UBXN10: variants seen among roughly 807,000 people sequenced by gnomAD.
UBXN10 encodes the protein UBX domain-containing protein 10.
Under a neutral mutation model 6.9 loss-of-function variants are expected in UBXN10, and 6 were observed. The ratio of observed to expected loss-of-function variants is 0.87; its 90% CI spans 0.48 to 1.72. UBXN10 has a LOEUF of 1.72. UBXN10 is among the 40% of genes most tolerant of loss of function. UBXN10 has a pLI of 0.01. For synonymous variants in UBXN10, 131 were observed against 135.2 expected (o/e 0.97, Z 0.21); for missense variants, 317 against 348.4 (o/e 0.91, Z 0.72).
At position 20,195,996 on chromosome 1, in the gene UBXN10, GCAAA is replaced by G. The variant is rs2100741651; in HGVS notation, c.*4597_*4600del. On this transcript the variant is annotated 3_prime_UTR_variant, in exon 2 of 2. Coordinates refer to ENST00000375099, the MANE Select transcript of UBXN10 (RefSeq NM_152376.5). The stretch of plus-strand genomic sequence containing the variant: ...TGGGGATGCATTTCTTCTTGGGAAG[GCAAA>G]CAAAGCCATCATTCTGGGGCTTAAT... 1 of 166,812 alleles carries G rather than the reference GCAAA, an allele frequency of 6.0e-6. No individual in the cohort carries two copies. Among genetic ancestry groups the G allele is most frequent in the East Asian group, 1.9e-4 (1 of 5,180 alleles). 10.3% of individuals were successfully genotyped at this position (166,812 alleles called of 1,614,324 possible). A position where few individuals can be genotyped will look rare whatever the true frequency, so the allele number is the denominator to read the frequency against.
At chr1:20,184,227 AC>A (rs2018326696), upstream of UBXN10, 2 of 151,990 alleles carry the variant, frequency 1.3e-5, no homozygotes, top group Non-Finnish European at 2.9e-5. Flanking sequence ...ACACACACAC[AC>A]GGTGAGAAGC....
upstream of UBXN10, among the ~76,000 whole-genome samples, chr1:20,185,644 G>C (rs1354537504): frequency 6.6e-6 from 1 of 152,170 alleles, no homozygotes; most frequent in Non-Finnish European, 1.5e-5. Flanking sequence ...TGGGGGCCCT[G>C]CTCCCCGCAA....
At position 20,191,374 on chromosome 1, in the gene UBXN10, C is replaced by G. The variant is rs142528987; in HGVS notation, c.813C>G (p.Ile271Met). The G allele has an allele frequency of 1.6e-4, 251 of 1,611,656 alleles. No individual in the cohort carries two copies. Among genetic ancestry groups the G allele is most frequent in the Non-Finnish European group, 1.9e-4 (221 of 1,177,896 alleles). Reference protein sequence around the residue: ...CRIPHKSVLGISLEDGEGWP With the variant: ...CRIPHKSVLGMSLEDGEGWP The stretch of plus-strand genomic sequence containing the variant: ...TCCCCCACAAGTCTGTGCTGGGCAT[C>G]TCACTGGAAGATGGGGAAGGGTGGC... The change falls in exon 2 of 2, where the codon ATC (isoleucine) becomes ATG (methionine). Residue 271 changes from isoleucine (I) to methionine (M), a missense_variant. Coordinates refer to ENST00000375099, the MANE Select transcript of UBXN10 (RefSeq NM_152376.5). This position sits in a 1 kb window ranked among gnomAD's most constrained non-coding sequence, Gnocchi z 4.5.
rs1013416901 is a variant in UBXN10 at position 20,190,941 on chromosome 1, A to C, written c.380A>C (p.Glu127Ala). The C allele has an allele frequency of 1.2e-6, 2 of 1,614,186 alleles. No individual in the cohort carries two copies. Among genetic ancestry groups the C allele is most frequent in the South Asian group, 2.2e-5 (2 of 91,086 alleles). Residue 127 changes from glutamate (E) to alanine (A), a missense_variant, in exon 2 of 2, where the codon GAG becomes GCG. Coordinates refer to ENST00000375099, the MANE Select transcript of UBXN10 (RefSeq NM_152376.5). ...LPSINRKNLEEEAVETVAKKA... is the reference protein window; with the variant it reads ...LPSINRKNLEAEAVETVAKKA... Reference sequence around the variant, plus strand: ...TCCATCAACAGAAAGAACCTGGAGGAGGAGGCTGTGGAAACCGTTGCCAAA... The same window carrying C: ...TCCATCAACAGAAAGAACCTGGAGGCGGAGGCTGTGGAAACCGTTGCCAAA...
chr1:20,190,831 G>C lies in UBXN10; in HGVS notation c.270G>C (p.Gln90His). 1 of 1,613,954 alleles carries C rather than the reference G, an allele frequency of 6.2e-7. No homozygotes were observed. Among genetic ancestry groups the C allele is most frequent in the Non-Finnish European group, 8.5e-7 (1 of 1,180,022 alleles). ...CCTGTGCACCCAAATCTCCAAACCA[G>C]GGAGCTTCTGATGAGATCCCTGAGC... Reference protein sequence around the residue: ...PGACAPKSPNQGASDEIPELQ... With the variant: ...PGACAPKSPNHGASDEIPELQ... The change falls in exon 2 of 2, where the codon CAG becomes CAC. Residue 90 changes from glutamine (Q) to histidine (H), a missense_variant. Coordinates refer to ENST00000375099, the MANE Select transcript of UBXN10 (RefSeq NM_152376.5).
rs1293002988 is a variant in UBXN10 at position 20,191,266 on chromosome 1, C to T, written c.705C>T (p.Ser235=). 2.0e-5 allele frequency: 32 copies of T among 1,614,088 alleles called. No individual in the cohort carries two copies. In the East Asian group the frequency reaches 3.6e-4, roughly 18 times the overall value. Reference sequence around the variant, plus strand: ...TGGCCGAACAGAAAAACAAAACCTCCTACCGACACTGCAGCATTGAAACAA... The same window carrying T: ...TGGCCGAACAGAAAAACAAAACCTCTTACCGACACTGCAGCATTGAAACAA... The part of the protein sequence containing the change: ...VAVAEQKNKT[S]YRHCSIETME... The change falls in exon 2 of 2, where the codon TCC becomes TCT. Residue 235 remains serine, a synonymous_variant. Transcript: ENST00000375099. This position sits in a 1 kb window ranked among gnomAD's most constrained non-coding sequence, Gnocchi z 4.5.
In UBXN10 at chr1:20,191,435, C is replaced by A; in HGVS notation, c.*31C>A. ...CAGCCACCCAGCTGAGGTCCTGGGT[C>A]TCTGAGCAAAGGAGCATGCTTGGGC... On this transcript the variant is annotated 3_prime_UTR_variant, in exon 2 of 2. Transcript: ENST00000375099. The surrounding 1 kb of genome is among the most constrained non-coding windows in gnomAD (Gnocchi z 4.5). 1 of 1,588,752 alleles carries A rather than the reference C, an allele frequency of 6.3e-7. No individual in the cohort carries two copies.
chr1:20,184,048 C>T (rs1052293965), upstream of UBXN10, among the ~76,000 whole-genome samples: 1 of 152,222 alleles, frequency 6.6e-6, no homozygotes, highest in Non-Finnish European at 1.5e-5. Context: ...CCTTCCTTTC[C>T]TCCTCTCCTG....
chr1:20,189,890 T>A (rs1018501003), intron 1 of UBXN10, among the ~76,000 whole-genome samples: 4 of 152,228 alleles, frequency 2.6e-5, no homozygotes, highest in Non-Finnish European at 1.5e-5. Context: ...TGCCACCAGC[T>A]GGCTGTGTGA....
rs532952818 is a variant in UBXN10 at position 20,191,640 on chromosome 1, A to G, written c.*236A>G. The G allele has an allele frequency of 1.8e-6, 1 of 541,616 alleles. No individual in the cohort carries two copies. The highest frequency in any genetic ancestry group is 3.2e-6 in the Non-Finnish European group (1 of 314,408). 33.6% of individuals were successfully genotyped at this position (541,616 alleles called of 1,614,324 possible). A position where few individuals can be genotyped will look rare whatever the true frequency, so the allele number is the denominator to read the frequency against. On this transcript the variant is annotated 3_prime_UTR_variant, in exon 2 of 2. Transcript: ENST00000375099. The surrounding 1 kb of genome is among the most constrained non-coding windows in gnomAD (Gnocchi z 4.5). Reference sequence around the variant, plus strand: ...CTCTCCACCACCAGCGTAACTGGCAAGTTACCAAGGTTGTTCCTGAAACAG... The same window carrying G: ...CTCTCCACCACCAGCGTAACTGGCAGGTTACCAAGGTTGTTCCTGAAACAG...
chr1:20,190,720 C>T lies in UBXN10; in HGVS notation c.159C>T (p.Ser53=), dbSNP rs1459517361. ...KGRTRPSLQK[S]QGVEVCAHHI... ...GGACAAGACCGAGTCTGCAGAAATC[C>T]CAGGGCGTGGAGGTGTGCGCTCATC... Residue 53 remains serine, a synonymous_variant, in exon 2 of 2, where the codon TCC becomes TCT. Coordinates refer to ENST00000375099, the MANE Select transcript of UBXN10 (RefSeq NM_152376.5). 2 of 1,613,950 alleles carry T rather than the reference C, an allele frequency of 1.2e-6. No homozygotes were observed. The highest frequency in any genetic ancestry group is 1.3e-5 in the African/African-American group (1 of 74,892).
chr1:20,195,133 G>A lies in UBXN10; in HGVS notation c.*3729G>A, dbSNP rs1178432110. The A allele has an allele frequency of 6.0e-6, 1 of 167,118 alleles. No individual in the cohort carries two copies. The highest frequency in any genetic ancestry group is 1.5e-5 in the Non-Finnish European group (1 of 68,130). 10.4% of individuals were successfully genotyped at this position (167,118 alleles called of 1,614,324 possible). On this transcript the variant is annotated 3_prime_UTR_variant, in exon 2 of 2. Transcript: ENST00000375099. The stretch of plus-strand genomic sequence containing the variant: ...GGGTGGCGTGCCACTTTCCTTTCCT[G>A]ATTAGGGAAGCTTCTCCCAGCCCTT...
intron 1 of UBXN10, 120 bp downstream of exon 1, chr1:20,186,273 G>C (rs901642757): frequency 1.3e-5 from 2 of 152,266 alleles, no homozygotes; most frequent in African/African-American, 2.4e-5. Flanking sequence ...CCCAGACCCA[G>C]CCCGGGGGAC....
intron 1 of UBXN10, among the ~76,000 whole-genome samples, chr1:20,186,940 AG>A (rs1276304230): frequency 2.0e-5 from 3 of 152,164 alleles, no homozygotes; most frequent in Non-Finnish European, 4.4e-5. Context: ...TAACTGATAC[AG>A]TTTTAAAAGA....
rs555979157 is a variant in UBXN10 at position 20,188,148 on chromosome 1, C to G, written c.-16+1995C>G. Among the ~76,000 whole-genome samples, 6 of 152,190 alleles carry G rather than the reference C, an allele frequency of 3.9e-5. No homozygotes were observed. The East Asian group carries it at 1.2e-3, about 29-fold the overall frequency. ...GCCAGAGAAAGACTTGAGAAGGAGA[C>G]TAAAGGGGGAAAAACACATTCTTCA... is the stretch of plus-strand genomic sequence containing the variant. On this transcript the variant is annotated intron_variant, in intron 1 of 1. Transcript: ENST00000375099.
chr1:20,190,550 T>A lies in UBXN10; in HGVS notation c.-12T>A. On this transcript the variant is annotated 5_prime_UTR_variant, in exon 2 of 2. Transcript: ENST00000375099. ...TGTTTTTTTCCTGCTTCCTTAGGGG[T>A]CTTGAGAAGCAATGGCCACAGAAGC... is the stretch of plus-strand genomic sequence containing the variant. 1 of 1,606,474 alleles carries A rather than the reference T, an allele frequency of 6.2e-7. No individual in the cohort carries two copies. Among genetic ancestry groups the A allele is most frequent in the Non-Finnish European group, 8.5e-7 (1 of 1,174,518 alleles).
Position 20,188,630 on chromosome 1 carries a change from A to G in UBXN10, c.-15-1917A>G, listed in dbSNP as rs189486044. Among the ~76,000 whole-genome samples, 8 of 152,312 alleles carry G rather than the reference A, an allele frequency of 5.3e-5. No homozygotes were observed. The East Asian group carries it at 1.5e-3, about 29-fold the overall frequency. On this transcript the variant is annotated intron_variant, in intron 1 of 1. Coordinates refer to ENST00000375099, the MANE Select transcript of UBXN10 (RefSeq NM_152376.5). ...AGGAAGTGAATCTGAGGTAAGTAAA[A>G]TGTGGAATTAGAAGAGAAGTGATCA...
chr1:20,190,454 G>A (rs903764707), intron 1 of UBXN10, 93 bp from the exon 2 acceptor site: 1 of 1,472,038 alleles, frequency 6.8e-7, no homozygotes, highest in Admixed American at 2.3e-5. Flanking sequence ...AGAAATTTGT[G>A]CTTATTCTGG....
At chr1:20,188,109 C>T (rs1439993812) in intron 1 of UBXN10, among the ~76,000 whole-genome samples, 1 of 152,182 alleles carries the variant, frequency 6.6e-6, no homozygotes, top group Non-Finnish European at 1.5e-5. Flanking sequence ...AGTGAAAGTG[C>T]AGAGCTGCTA....
Sources: gnomAD v4.1 joint callset for allele counts (sites outside exome capture counted in the v4.1 genomes callset) on GRCh38, gnomAD v4.1.1 for gene constraint, Gnocchi (gnomAD v3.1) non-coding constraint, MANE v1.5 for transcripts, NCBI Gene and HGNC (gene_info 2026-07-23, HGNC 2026-07-21) for gene names.